Variants in PIK3C2G observed in about 807,000 individuals in gnomAD.
The protein encoded by PIK3C2G is phosphatidylinositol-4-phosphate 3-kinase catalytic subunit type 2 gamma, also known as phosphatidylinositol 3-kinase C2 domain-containing subunit gamma.
Under a neutral mutation model 181.1 loss-of-function variants are expected in PIK3C2G, and 168 were observed. The ratio of observed to expected loss-of-function variants is 0.93; its 90% CI spans 0.82 to 1.05. The LOEUF (loss-of-function observed/expected upper bound fraction) is 1.05, where lower values mean the gene tolerates loss of function less well. Among genes scored for constraint, PIK3C2G ranks in the 50% least tolerant of loss-of-function variants. PIK3C2G has a pLI of 0.00. For synonymous variants in PIK3C2G, 573 were observed against 592.2 expected (o/e 0.97, Z 0.47); for missense variants, 1,869 against 1,732.8 (o/e 1.08, Z -1.40).
At chr12:18,406,163 A>G (rs1944518380) in intron 16 of PIK3C2G, among the ~76,000 whole-genome samples, 4 of 152,184 alleles carry the variant, frequency 2.6e-5, no homozygotes, top group Non-Finnish European at 5.9e-5. Context: ...TATTATACTT[A>G]GCATAATGTC....
At chr12:18,387,861 C>T (rs535218613) in intron 14 of PIK3C2G, among the ~76,000 whole-genome samples, 48 of 152,296 alleles carry the variant, frequency 3.2e-4, no homozygotes, top group Admixed American at 1.9e-3. Flanking sequence ...ACTGCCCACA[C>T]GTATGTCTCA....
At chr12:18,265,769 T>C in intron 1 of PIK3C2G, among the ~76,000 whole-genome samples, 1 of 151,984 alleles carries the variant, frequency 6.6e-6, no homozygotes. Flanking sequence ...ATCCCAGCAC[T>C]TTGGGAGGCT....
At chr12:18,607,872 A>T (rs1395141453) in intron 30 of PIK3C2G, among the ~76,000 whole-genome samples, 1 of 152,206 alleles carries the variant, frequency 6.6e-6, no homozygotes, top group African/African-American at 2.4e-5. Context: ...AGACAACCCC[A>T]TCAACAAGTG....
chr12:18,566,319 G>T (rs1427578905), intron 28 of PIK3C2G, among the ~76,000 whole-genome samples: 1 of 152,176 alleles, frequency 6.6e-6, no homozygotes, highest in African/African-American at 2.4e-5. Flanking sequence ...CTGCTAGGTA[G>T]TTCCTAAAAG....
At chr12:18,697,183 C>T in the PIK3C2G span, among the ~76,000 whole-genome samples, 5 of 152,102 alleles carry the variant, frequency 3.3e-5, no homozygotes, top group African/African-American at 1.2e-4. Flanking sequence ...AGAATGGTTA[C>T]TGCTTATGGC....
chr12:18,261,480 C>T (rs775870937), upstream of PIK3C2G: 2 of 152,002 alleles, frequency 1.3e-5, no homozygotes, highest in Admixed American at 6.6e-5. Flanking sequence ...GGAAGCATCA[C>T]GTTCCCTTGA....
At chr12:18,646,581 G>T (rs750295320) in intron 32 of PIK3C2G, among the ~76,000 whole-genome samples, 1 of 152,116 alleles carries the variant, frequency 6.6e-6, no homozygotes, top group Admixed American at 6.6e-5. Flanking sequence ...GCTCACAGGG[G>T]AGGCCACCCA....
chr12:18,431,309 G>C (rs1178781840), intron 18 of PIK3C2G, among the ~76,000 whole-genome samples: 1 of 152,174 alleles, frequency 6.6e-6, no homozygotes, highest in Non-Finnish European at 1.5e-5. Flanking sequence ...AACAAAGGAT[G>C]ATCCTTGCCT....
chr12:18,709,600 A>G, the PIK3C2G span, among the ~76,000 whole-genome samples: 6 of 151,946 alleles, frequency 3.9e-5, no homozygotes, highest in Non-Finnish European at 7.4e-5. Context: ...TGTACACTGT[A>G]GCCTAGTATA....
At chr12:18,565,415 C>T (rs1237668149) in intron 28 of PIK3C2G, among the ~76,000 whole-genome samples, 1 of 152,134 alleles carries the variant, frequency 6.6e-6, no homozygotes, top group Non-Finnish European at 1.5e-5. Flanking sequence ...TGACTTTCTT[C>T]TCCCAACCAT....
intron 18 of PIK3C2G, among the ~76,000 whole-genome samples, chr12:18,426,236 C>G (rs1410265003): frequency 2.6e-5 from 4 of 152,034 alleles, no homozygotes; most frequent in African/African-American, 4.8e-5. Flanking sequence ...TGTTTTGTTT[C>G]TCCTTTATAC....
At chr12:18,693,543 T>C in the PIK3C2G span, 4 of 1,610,774 alleles carry the variant, frequency 2.5e-6, no homozygotes, top group African/African-American at 4.0e-5. Context: ...TCTGAACTTA[T>C]TCAGAAGTAC....
the PIK3C2G span, among the ~76,000 whole-genome samples, chr12:18,655,164 G>A: frequency 3.3e-5 from 5 of 152,124 alleles, no homozygotes; most frequent in Non-Finnish European, 7.4e-5. Flanking sequence ...AAAGGGTTTT[G>A]GAGATCATAC....
At chr12:18,664,555 C>T in the PIK3C2G span, among the ~76,000 whole-genome samples, 69 of 152,186 alleles carry the variant, frequency 4.5e-4, no homozygotes, top group Non-Finnish European at 8.8e-4. Flanking sequence ...ATATGAGATA[C>T]TTAAAGTGTT....
chr12:18,265,491 C>T lies in PIK3C2G; in HGVS notation c.-79+3914C>T, dbSNP rs138795457. Among the ~76,000 whole-genome samples, 607 of 152,198 alleles carry T rather than the reference C, an allele frequency of 4.0e-3. 5 individuals are homozygous for T. The highest frequency in any genetic ancestry group is 6.8e-3 in the Middle Eastern group (2 of 294). ...GCCTCCATTAATTCATCTTAAAACA[C>T]ACACTTTTACCTGATTCATAAATGC... On this transcript the variant is annotated intron_variant, in intron 1 of 32. Transcript: ENST00000538779.
At chr12:18,303,161 CT>C (rs754763875) in intron 5 of PIK3C2G, among the ~76,000 whole-genome samples, 45 of 95,070 alleles carry the variant, frequency 4.7e-4, no homozygotes, top group Non-Finnish European at 6.5e-4. Flanking sequence ...TCTTCTTTCT[CT>C]TTCTTTCTTT....
rs186887667 is a variant in PIK3C2G at position 18,396,133 on chromosome 12, T to G, written c.2127-3526T>G. Among the ~76,000 whole-genome samples the G allele has an allele frequency of 5.1e-4, 77 of 151,816 alleles. 1 individual carries two copies. The highest frequency in any genetic ancestry group is 1.7e-3 in the African/African-American group (71 of 41,540). ...CTACATCAAAAAAGCAATATATAAT[T>G]TTATTCTGTTTACAGGAACATGTAT... On this transcript the variant is annotated intron_variant, in intron 15 of 32. Transcript: ENST00000538779.
intron 18 of PIK3C2G, among the ~76,000 whole-genome samples, chr12:18,473,564 G>C (rs1414044465): frequency 6.6e-6 from 1 of 152,078 alleles, no homozygotes; most frequent in Admixed American, 6.6e-5. Flanking sequence ...GGATCAAGTA[G>C]AAATAATGTA....
chr12:18,667,119 G>A, the PIK3C2G span, among the ~76,000 whole-genome samples: 3 of 152,116 alleles, frequency 2.0e-5, no homozygotes, highest in East Asian at 1.9e-4. Flanking sequence ...TGAAAATAAA[G>A]GCATTTCAGT....
Sources: allele counts gnomAD v4.1 joint callset (sites outside exome capture counted in the v4.1 genomes callset), GRCh38; gene constraint gnomAD v4.1.1; transcripts MANE v1.5; gene names NCBI Gene and HGNC (gene_info 2026-07-23, HGNC 2026-07-21).